PCDHGB3: variants seen among roughly 807,000 people sequenced by gnomAD.
PCDHGB3 encodes protocadherin gamma subfamily B, 3.
A neutral mutation model predicts 59.2 loss-of-function variants in PCDHGB3; 40 were observed. That is an observed-to-expected ratio of 0.68 (90% CI 0.52 to 0.88). PCDHGB3 has a LOEUF of 0.88. PCDHGB3 is among the 40% of genes least tolerant of loss of function. PCDHGB3 has a pLI of 0.00. For synonymous variants in PCDHGB3, 581 were observed against 503.6 expected (o/e 1.15, Z -2.06); for missense variants, 1,309 against 1,187.9 (o/e 1.10, Z -1.50).
chr5:141,438,617 TATATATATATATATATATACACAC>T (rs1311176771), intron 1 of PCDHGB3, among the ~76,000 whole-genome samples: 58 of 37,154 alleles, frequency 1.6e-3, no homozygotes, highest in African/African-American at 7.8e-3. Flanking sequence ...TATATATATA[TATATATATATATATATATACACAC>T]ACACACACAC....
chr5:141,415,110 C>G (rs1490074484), intron 1 of PCDHGB3: 2 of 1,613,548 alleles, frequency 1.2e-6, no homozygotes, highest in East Asian at 2.2e-5. Flanking sequence ...TCAAGCAAAG[C>G]CTCGTAGTGG....
chr5:141,395,542 TTGTGTG>T (rs55729045), intron 1 of PCDHGB3: 20,097 of 170,756 alleles, frequency 0.12, 1,101 homozygotes, highest in Admixed American at 0.15. Context: ...TTGCTATTGT[TTGTGTG>T]TGTGTGTGTG....
chr5:141,376,351 G>C (rs1333788917), intron 1 of PCDHGB3: 31 of 1,614,060 alleles, frequency 1.9e-5, no homozygotes, highest in Non-Finnish European at 2.6e-5. Flanking sequence ...ATTCCCACGA[G>C]GTCTCACTCA....
In PCDHGB3 at chr5:141,423,466, G is replaced by T. The variant is rs770939556; in HGVS notation, c.2415+50657G>T. On this transcript the variant is annotated intron_variant, in intron 1 of 3. Coordinates refer to ENST00000576222, the MANE Select transcript of PCDHGB3 (RefSeq NM_018924.5). Reference sequence around the variant, plus strand: ...GTCACATTTTGTAGGCGTGGACGGGGTACAGGCTTTCCTGCAAACCTATTC... The same window carrying T: ...GTCACATTTTGTAGGCGTGGACGGGTTACAGGCTTTCCTGCAAACCTATTC... 6 of 1,614,022 alleles carry T rather than the reference G, an allele frequency of 3.7e-6. No homozygotes were observed. In the Admixed American group the frequency reaches 5.0e-5, roughly 13 times the overall value.
At chr5:141,415,884 A>C in intron 1 of PCDHGB3, 1 of 981,534 alleles carries the variant, frequency 1.0e-6, no homozygotes, top group Non-Finnish European at 1.4e-6. Context: ...TACAATATTG[A>C]CAATTCCTAA....
At position 141,371,657 on chromosome 5, in the gene PCDHGB3, G is replaced by A; in HGVS notation, c.1263G>A (p.Thr421=). ...DREQIPEYNV[T]ITATDKGNPP... ...AGCAGATCCCAGAATACAATGTGAC[G>A]ATCACAGCTACCGACAAAGGCAATC... Residue 421 remains threonine (T), a synonymous_variant, in exon 1 of 4, where the codon ACG becomes ACA. Coordinates refer to ENST00000576222, the MANE Select transcript of PCDHGB3 (RefSeq NM_018924.5). 6.2e-7 allele frequency: 1 copy of A among 1,613,988 alleles called. No homozygotes were observed. The highest frequency in any genetic ancestry group is 8.5e-7 in the Non-Finnish European group (1 of 1,179,892).
At chr5:141,394,635 C>T (rs754317215) in intron 1 of PCDHGB3, 1 of 1,613,428 alleles carries the variant, frequency 6.2e-7, no homozygotes, top group Non-Finnish European at 8.5e-7. Context: ...GTCCTACCGC[C>T]TGCTCAAGGC....
chr5:141,408,903 A>C, intron 1 of PCDHGB3: 1 of 1,613,512 alleles, frequency 6.2e-7, no homozygotes, highest in Non-Finnish European at 8.5e-7. Context: ...TCTGTCAAGG[A>C]TACCAATGAT....
At chr5:141,500,509 G>A (rs1048476645) in intron 2 of PCDHGB3, among the ~76,000 whole-genome samples, 19 of 152,100 alleles carry the variant, frequency 1.2e-4, no homozygotes, top group South Asian at 4.2e-4. Context: ...GCGCCTGGCC[G>A]AGCTTCATTT....
intron 1 of PCDHGB3, chr5:141,400,672 A>G: frequency 1.1e-6 from 1 of 934,884 alleles, no homozygotes; most frequent in Non-Finnish European, 1.6e-6. Flanking sequence ...TAAGAGGAGC[A>G]GTAAATTGTG....
chr5:141,413,567 A>G (rs950241336), intron 1 of PCDHGB3: 2 of 1,613,936 alleles, frequency 1.2e-6, no homozygotes, highest in Admixed American at 1.7e-5. Context: ...ACTGATATCA[A>G]TGACAATGCT....
rs933089146 is a variant in PCDHGB3, at chr5:141,490,786, A to G, written c.2416-4021A>G. ...GTATGTCAACCCAGAGGATGGACGGATCTTTGCCCAGCGTACCTTTGACTA... is the reference window on the plus strand; with the variant it reads ...GTATGTCAACCCAGAGGATGGACGGGTCTTTGCCCAGCGTACCTTTGACTA... On this transcript the variant is annotated intron_variant, in intron 1 of 3. Coordinates refer to ENST00000576222, the MANE Select transcript of PCDHGB3 (RefSeq NM_018924.5). This position sits in a 1 kb window ranked among gnomAD's most constrained non-coding sequence, Gnocchi z 5.4. The G allele has an allele frequency of 1.9e-6, 3 of 1,614,056 alleles. No individual in the cohort carries two copies. The highest frequency in any genetic ancestry group is 1.7e-5 in the Admixed American group (1 of 60,016).
chr5:141,403,339 C>A, intron 1 of PCDHGB3: 2 of 1,614,010 alleles, frequency 1.2e-6, no homozygotes, highest in Non-Finnish European at 1.7e-6. Flanking sequence ...TTAACGACAG[C>A]GCCCCAAAGT....
chr5:141,480,413 T>C (rs1478520852), intron 1 of PCDHGB3, among the ~76,000 whole-genome samples: 2 of 135,292 alleles, frequency 1.5e-5, no homozygotes, highest in African/African-American at 3.0e-5. Context: ...AGACCCTGTC[T>C]CAAAAAAAAA....
intron 2 of PCDHGB3, among the ~76,000 whole-genome samples, chr5:141,500,928 G>A (rs2099803943): frequency 6.6e-6 from 1 of 151,476 alleles, no homozygotes; most frequent in African/African-American, 2.4e-5. Context: ...GGGTGCAGTG[G>A]CGCCATCTCG....
Position 141,490,089 on chromosome 5 carries a change from C to G in PCDHGB3, c.2416-4718C>G. On this transcript the variant is annotated intron_variant, in intron 1 of 3. Transcript: ENST00000576222. This position sits in a 1 kb window ranked among gnomAD's most constrained non-coding sequence, Gnocchi z 5.4. ...GCCAACTAGACTATTCTTTTGGAGACCACACATCTGAGGCAGTGCGGAACC... is the reference window on the plus strand; with the variant it reads ...GCCAACTAGACTATTCTTTTGGAGAGCACACATCTGAGGCAGTGCGGAACC... 1 of 1,614,232 alleles carries G rather than the reference C, an allele frequency of 6.2e-7. No homozygotes were observed. The highest frequency in any genetic ancestry group is 8.5e-7 in the Non-Finnish European group (1 of 1,180,026).
Position 141,409,459 on chromosome 5 carries a change from T to C in PCDHGB3, c.2415+36650T>C, listed in dbSNP as rs139792503. On this transcript the variant is annotated intron_variant, in intron 1 of 3. Coordinates refer to ENST00000576222, the MANE Select transcript of PCDHGB3 (RefSeq NM_018924.5). ...ACCGAGAGCAGACACCAGAATACAA[T>C]GTCACCATCGTAGCCACTGACAGGG... 4.9e-3 allele frequency: 7,986 copies of C among 1,613,950 alleles called. 44 individuals are homozygous for C. The highest frequency in any genetic ancestry group is 9.4e-3 in the Admixed American group (567 of 60,028).
In PCDHGB3 at chr5:141,491,715, G is replaced by A. The variant is rs1333909488; in HGVS notation, c.2416-3092G>A. 1 of 1,607,782 alleles carries A rather than the reference G, an allele frequency of 6.2e-7. No individual in the cohort carries two copies. Among genetic ancestry groups the A allele is most frequent in the Admixed American group, 1.7e-5 (1 of 58,966 alleles). On this transcript the variant is annotated intron_variant, in intron 1 of 3. Transcript: ENST00000576222. This position sits in a 1 kb window ranked among gnomAD's most constrained non-coding sequence, Gnocchi z 6.9. ...AGCGGAGCCAGGTGAGGGGCTCGGC[G>A]CCGCCCCGGGCGACCCCTGGGGGCG...
intron 1 of PCDHGB3, chr5:141,385,236 C>T: frequency 2.5e-6 from 4 of 1,614,152 alleles, no homozygotes; most frequent in Non-Finnish European, 3.4e-6. Flanking sequence ...TAGACATGCT[C>T]ATCAGCCAGG....
Sources: allele counts gnomAD v4.1 joint callset (sites outside exome capture counted in the v4.1 genomes callset), GRCh38; gene constraint gnomAD v4.1.1; non-coding constraint Gnocchi (gnomAD v3.1); transcripts MANE v1.5; gene names NCBI Gene and HGNC (gene_info 2026-07-23, HGNC 2026-07-21).